ANK3: variants seen among roughly 807,000 people sequenced by gnomAD.
The protein encoded by ANK3 is ankyrin-3.
A neutral mutation model predicts 370.9 loss-of-function variants in ANK3; 57 were observed. The ratio of observed to expected loss-of-function variants is 0.15; its 90% confidence interval spans 0.12 to 0.19. ANK3 has a LOEUF of 0.19. ANK3 is among the 10% of genes least tolerant of loss of function. The pLI, the probability that ANK3 is intolerant of heterozygous loss-of-function variation, is 1.00. For missense variants in ANK3, 4,439 were observed against 5,302.1 expected, an observed-to-expected ratio of 0.84 and a Z score of 5.06; for synonymous variants, 1,929 against 1,946.3, an observed-to-expected ratio of 0.99 and a Z score of 0.23.
chr10:60,082,378 C>G, intron 34 of ANK3: 1 of 677,924 alleles, frequency 1.5e-6, no homozygotes, highest in Non-Finnish European at 2.4e-6. Flanking sequence ...TATTTAAAAG[C>G]ATAAAAATCT....
chr10:60,696,563 T>C (rs1377695356), intron 1 of ANK3, among the ~76,000 whole-genome samples: 2 of 149,970 alleles, frequency 1.3e-5, no homozygotes, highest in Non-Finnish European at 3.0e-5. Flanking sequence ...CATGATCAAG[T>C]GGGCTTCTTC....
At chr10:60,511,805 T>A (rs1012291659) in intron 2 of ANK3, among the ~76,000 whole-genome samples, 57 of 149,440 alleles carry the variant, frequency 3.8e-4, no homozygotes, top group Non-Finnish European at 7.0e-4. Context: ...TTTTTTTTTT[T>A]AAGGAGAGGA....
At chr10:60,607,807 C>T (rs185395266) in intron 2 of ANK3, among the ~76,000 whole-genome samples, 13 of 152,226 alleles carry the variant, frequency 8.5e-5, no homozygotes, top group East Asian at 3.9e-4. Context: ...AGTCAGAGCA[C>T]GCAGATGAGT....
At chr10:60,279,698 A>T in intron 1 of ANK3, 59 bp from the exon 2 acceptor site, 2 of 1,296,100 alleles carry the variant, frequency 1.5e-6, no homozygotes, top group Middle Eastern at 1.8e-4. Context: ...ATGTTTATAA[A>T]CTATCCAGCT....
chr10:60,196,116 G>A, intron 16 of ANK3, 29 bp downstream of exon 16: 1 of 1,592,354 alleles, frequency 6.3e-7, no homozygotes. Flanking sequence ...TTACCCATCA[G>A]TCTCCTTAGG....
chr10:60,549,198 T>TACAC (rs2077037733), intron 2 of ANK3, among the ~76,000 whole-genome samples: 1 of 151,330 alleles, frequency 6.6e-6, no homozygotes, highest in Non-Finnish European at 1.5e-5. Context: ...GACCAGGGTG[T>TACAC]ACACAAAAAC....
intron 2 of ANK3, among the ~76,000 whole-genome samples, chr10:60,556,714 A>G (rs1455867746): frequency 2.0e-5 from 3 of 152,232 alleles, no homozygotes; most frequent in African/African-American, 4.8e-5. Context: ...AATACAATAA[A>G]AATCAAAGTA....
chr10:60,446,428 C>T (rs191108028), intron 2 of ANK3, among the ~76,000 whole-genome samples: 1 of 152,164 alleles, frequency 6.6e-6, no homozygotes, highest in East Asian at 1.9e-4. Flanking sequence ...GTGAGCCCCC[C>T]CTTCCTCTTC....
chr10:60,093,918 AT>A (rs1047757187), intron 28 of ANK3, among the ~76,000 whole-genome samples: 1 of 151,918 alleles, frequency 6.6e-6, no homozygotes, highest in African/African-American at 2.4e-5. Context: ...TGTTGTGTTC[AT>A]TTTTTTTCAA....
intron 2 of ANK3, among the ~76,000 whole-genome samples, chr10:60,562,173 A>G (rs2077350672): frequency 6.6e-6 from 1 of 152,198 alleles, no homozygotes. Flanking sequence ...TGGAATATAT[A>G]ACTTAAAAGA....
chr10:60,096,966 C>T (rs139586515), intron 28 of ANK3, among the ~76,000 whole-genome samples: 105 of 152,276 alleles, frequency 6.9e-4, no homozygotes, highest in Admixed American at 2.0e-3. Context: ...TTCCTCTCTC[C>T]TCTCTCTTTT....
Position 60,073,935 on chromosome 10 carries a change from C to A in ANK3, c.6946G>T (p.Ala2316Ser). The change falls in exon 37 of 44, where the codon GCA becomes TCA. Residue 2316 changes from alanine (A) to serine (S), a missense_variant. Around this residue, in one of 13 missense-constraint regions of ANK3, gnomAD observed 1,601 missense variants for 1,731.7 expected, o/e 0.92. Transcript: ENST00000280772. ...KSAAETSAQH[A>S]EKDNQMKPKL... Reference sequence around the variant, plus strand: ...GGTTTCATTTGGTTGTCCTTCTCTGCATGCTGGGCTGAGGTTTCAGCAGCA... The same window carrying A: ...GGTTTCATTTGGTTGTCCTTCTCTGAATGCTGGGCTGAGGTTTCAGCAGCA... 6.2e-7 allele frequency: 1 copy of A among 1,614,040 alleles called. No homozygotes were observed. Among genetic ancestry groups the A allele is most frequent in the Non-Finnish European group, 8.5e-7 (1 of 1,179,990 alleles).
intron 2 of ANK3, among the ~76,000 whole-genome samples, chr10:60,553,484 G>A (rs930519975): frequency 4.2e-4 from 64 of 152,142 alleles, no homozygotes; most frequent in Non-Finnish European, 1.9e-4. Flanking sequence ...CTGCTGATAT[G>A]TACTAATTTG....
intron 1 of ANK3, among the ~76,000 whole-genome samples, chr10:60,347,771 A>G (rs2055941456): frequency 1.3e-5 from 2 of 152,140 alleles, no homozygotes; most frequent in African/African-American, 2.4e-5. Flanking sequence ...ATGCATCAGA[A>G]TTTCTTTGTT....
chr10:60,137,138 C>T (rs147761314), intron 24 of ANK3, among the ~76,000 whole-genome samples: 16 of 151,752 alleles, frequency 1.1e-4, no homozygotes, highest in Admixed American at 3.9e-4. Context: ...GTAAATTTTG[C>T]GTAAGTAATA....
At chr10:60,140,029 T>C in intron 23 of ANK3, 1 of 388,716 alleles carries the variant, frequency 2.6e-6, no homozygotes, top group East Asian at 4.8e-5. Context: ...ATTGCAAAAG[T>C]GTACATGTTG....
At position 60,073,545 on chromosome 10, in the gene ANK3, T is replaced by C. The variant is rs778968918; in HGVS notation, c.7336A>G (p.Ile2446Val). Residue 2446 changes from isoleucine (I) to valine (V), a missense_variant, in exon 37 of 44, where the codon ATA becomes GTA. Transcript: ENST00000280772. ...KTLKLLSQHSIEYHDDELSEL... is the reference protein window; with the variant it reads ...KTLKLLSQHSVEYHDDELSEL... ...GACAACTCATCGTCATGGTATTCTA[T>C]TGAGTGTTGACTCAAAAGCTTCAAT... 6.8e-6 allele frequency: 11 copies of C among 1,614,096 alleles called. No homozygotes were observed. Among genetic ancestry groups the C allele is most frequent in the Non-Finnish European group, 8.5e-6 (10 of 1,180,006 alleles).
chr10:60,190,106 A>G (rs753239563), intron 16 of ANK3, among the ~76,000 whole-genome samples: 35 of 152,296 alleles, frequency 2.3e-4, no homozygotes, highest in Admixed American at 4.6e-4. Context: ...CAGTACCCCA[A>G]TTTCCTGAAA....
At chr10:60,308,733 T>C (rs1361069779) in intron 1 of ANK3, among the ~76,000 whole-genome samples, 3 of 152,148 alleles carry the variant, frequency 2.0e-5, no homozygotes, top group Non-Finnish European at 4.4e-5. Flanking sequence ...AACCCAGCGA[T>C]ACACTGTCTA....
Sources: allele counts gnomAD v4.1 joint callset (sites outside exome capture counted in the v4.1 genomes callset), GRCh38; gene constraint gnomAD v4.1.1; regional missense constraint gnomAD v4.1.1; transcripts MANE v1.5; gene names NCBI Gene and HGNC (gene_info 2026-07-23, HGNC 2026-07-21).